MYO5C: variants seen among roughly 807,000 people sequenced by gnomAD.
MYO5C encodes unconventional myosin-Vc.
In MYO5C, 194 loss-of-function variants were observed where a neutral mutation model predicts 235.7. The observed-to-expected ratio is 0.82, with a 90% CI of 0.73 to 0.93. The LOEUF is 0.93. Among genes scored for constraint, MYO5C ranks in the 40% least tolerant of loss-of-function variants. MYO5C has a pLI of 0.00. For synonymous variants in MYO5C, 707 were observed against 754.8 expected (o/e 0.94, Z 1.04); for missense variants, 2,038 against 2,127.2 (o/e 0.96, Z 0.82).
chr15:52,279,468 T>C, intron 3 of MYO5C, 41 bp downstream of exon 3: 1 of 1,587,998 alleles, frequency 6.3e-7, no homozygotes, highest in Non-Finnish European at 8.6e-7. Context: ...CAAGCTTACA[T>C]TCCAGTGCCA....
At chr15:52,246,812 ACCC>A in intron 16 of MYO5C, 102 bp downstream of exon 16, 1 of 862,238 alleles carries the variant, frequency 1.2e-6, no homozygotes, top group Non-Finnish European at 1.8e-6. Flanking sequence ...TTAAAAAAAA[ACCC>A]AGAAACAGGG....
At chr15:52,257,677 A>G (rs2036612441) in intron 10 of MYO5C, among the ~76,000 whole-genome samples, 1 of 152,042 alleles carries the variant, frequency 6.6e-6, no homozygotes, top group Admixed American at 6.6e-5. Flanking sequence ...GGCTCCTGTG[A>G]CTCCACTGTC....
At chr15:52,209,132 A>C (rs1396305209) in intron 35 of MYO5C, among the ~76,000 whole-genome samples, 1 of 152,040 alleles carries the variant, frequency 6.6e-6, no homozygotes, top group African/African-American at 2.4e-5. Flanking sequence ...TGTTGGGGAG[A>C]AGGCCTCCAC....
chr15:52,213,185 T>A lies in MYO5C; in HGVS notation c.4141+3A>T. The A allele has an allele frequency of 1.2e-6, 2 of 1,612,390 alleles. No individual in the cohort carries two copies. Among genetic ancestry groups the A allele is most frequent in the Non-Finnish European group, 1.7e-6 (2 of 1,178,408 alleles). Reference sequence around the variant, plus strand: ...AAAAATCCAGAGTTCCAGGTTTCACTACCAAGAATGAGGTTCTGAATGAGC... The same window carrying A: ...AAAAATCCAGAGTTCCAGGTTTCACAACCAAGAATGAGGTTCTGAATGAGC... On this transcript the variant is annotated splice_donor_region_variant and intron_variant, in intron 34 of 40. Transcript: ENST00000261839.
chr15:52,219,949 C>A (rs1418427214), intron 30 of MYO5C, 127 bp from the exon 31 acceptor site: 2 of 649,908 alleles, frequency 3.1e-6, no homozygotes, highest in South Asian at 3.7e-5. Flanking sequence ...GCTTCTCTGG[C>A]CCATATTGGA....
At chr15:52,278,154 A>G (rs887841844) in intron 4 of MYO5C, 2 of 350,230 alleles carry the variant, frequency 5.7e-6, no homozygotes, top group African/African-American at 4.3e-5. Context: ...TGGTGTTTCT[A>G]TTCTCCATAC....
intron 10 of MYO5C, among the ~76,000 whole-genome samples, chr15:52,257,212 T>C (rs577209441): frequency 6.6e-6 from 1 of 152,338 alleles, no homozygotes; most frequent in East Asian, 1.9e-4. Context: ...AGCACAATTT[T>C]GCCTCCCTAA....
chr15:52,265,460 A>G (rs1566986361), intron 8 of MYO5C, among the ~76,000 whole-genome samples: 2 of 152,078 alleles, frequency 1.3e-5, no homozygotes, highest in Admixed American at 6.5e-5. Context: ...ATGGAAGCCA[A>G]TGACCCCTCA....
At chr15:52,223,274 T>C (rs1266047353) in intron 29 of MYO5C, among the ~76,000 whole-genome samples, 1 of 152,034 alleles carries the variant, frequency 6.6e-6, no homozygotes, top group African/African-American at 2.4e-5. Context: ...TTGATTTAAA[T>C]ATACAGGCTT....
rs1452735474 is a variant in MYO5C, at chr15:52,295,651, G to A, written c.-15C>T. 17 of 1,455,330 alleles carry A rather than the reference G, an allele frequency of 1.2e-5. No individual in the cohort carries two copies. In the South Asian group the frequency reaches 1.7e-4, roughly 14 times the overall value. The allele number at this position is 1,455,330 out of a possible 1,614,324, so 90.2% of individuals were successfully genotyped here. A position where few individuals can be genotyped will look rare whatever the true frequency, so the allele number is the denominator to read the frequency against. ...GCCACCGCCATGGGCAGGAGGGGCC[G>A]GGGCCAGGCCGGGGCTGCCGAACGT... On this transcript the variant is annotated 5_prime_UTR_variant, in exon 1 of 41. Transcript: ENST00000261839.
intron 32 of MYO5C, among the ~76,000 whole-genome samples, chr15:52,217,371 TC>T (rs1204877599): frequency 6.6e-6 from 1 of 152,160 alleles, no homozygotes; most frequent in Non-Finnish European, 1.5e-5. Flanking sequence ...AACTCATAAA[TC>T]CGTCACAATG....
At chr15:52,247,645 C>T (rs1485058137) in intron 14 of MYO5C, 53 bp from the exon 15 acceptor site, 1 of 1,594,134 alleles carries the variant, frequency 6.3e-7, no homozygotes, top group African/African-American at 1.3e-5. Flanking sequence ...CCACAGTACT[C>T]ACTCATACAA....
intron 1 of MYO5C, among the ~76,000 whole-genome samples, chr15:52,285,484 C>T (rs1328402908): frequency 3.3e-5 from 5 of 151,332 alleles, no homozygotes; most frequent in African/African-American, 1.2e-4. Flanking sequence ...CCCTCCTCTC[C>T]CTCCTCTCCG....
Position 52,224,997 on chromosome 15 carries a change from G to T in MYO5C, c.3366-16C>A, listed in dbSNP as rs2141291538. The T allele has an allele frequency of 1.2e-6, 2 of 1,613,668 alleles. No homozygotes were observed. Among genetic ancestry groups the T allele is most frequent in the South Asian group, 2.2e-5 (2 of 91,060 alleles). On this transcript the variant is annotated splice_polypyrimidine_tract_variant and intron_variant, in intron 27 of 40. Coordinates refer to ENST00000261839, the MANE Select transcript of MYO5C (RefSeq NM_018728.4). ...CACAGAGAGCCTGCAAAATAAGGAA[G>T]ATAAGAAAATCTATCATCTCTGTCA...
chr15:52,196,334 C>A lies in MYO5C; in HGVS notation c.4970G>T (p.Arg1657Leu), dbSNP rs746607674. The A allele has an allele frequency of 6.2e-7, 1 of 1,612,524 alleles. No homozygotes were observed. Among genetic ancestry groups the A allele is most frequent in the Non-Finnish European group, 8.5e-7 (1 of 1,179,544 alleles). ...CTGCACAGCAGACAGTGAGGTGCAG[C>A]GTTCGTAGATCTCCTTGGCATCACT... ...TDSDAKEIYERCTSLSAVQII... is the reference protein window; with the variant it reads ...TDSDAKEIYELCTSLSAVQII... The change falls in exon 39 of 41, where the codon CGC (arginine) becomes CTC (leucine). Residue 1657 changes from arginine to leucine, a missense_variant. By Grantham distance (102) the Arg-to-Leu change is moderately radical. Coordinates refer to ENST00000261839, the MANE Select transcript of MYO5C (RefSeq NM_018728.4).
At chr15:52,261,383 G>T (rs1596205092) in intron 9 of MYO5C, among the ~76,000 whole-genome samples, 1 of 152,226 alleles carries the variant, frequency 6.6e-6, no homozygotes, top group South Asian at 2.1e-4. Flanking sequence ...TGCGTCCCAC[G>T]CTGATTTTTC....
intron 22 of MYO5C, among the ~76,000 whole-genome samples, 171 bp from the exon 23 acceptor site, chr15:52,235,934 C>T (rs1424563592): frequency 6.6e-6 from 1 of 152,192 alleles, no homozygotes; most frequent in Non-Finnish European, 1.5e-5. Context: ...CCATTTGTTT[C>T]ACATGCAAGA....
At position 52,275,671 on chromosome 15, in the gene MYO5C, C is replaced by G. The variant is rs763055459; in HGVS notation, c.497G>C (p.Gly166Ala). The change falls in exon 5 of 41, where the codon GGA becomes GCA. Residue 166 changes from glycine (G) to alanine (A), a missense_variant. Coordinates refer to ENST00000261839, the MANE Select transcript of MYO5C (RefSeq NM_018728.4). ...SIIVSGESGA[G>A]KTVSARYAMR... ...GGCATAGCGAGCCGACACTGTCTTT[C>G]CAGCACCTGACTCCCCACTTACAAT... The G allele has an allele frequency of 1.2e-6, 2 of 1,614,046 alleles. No homozygotes were observed. The highest frequency in any genetic ancestry group is 1.3e-5 in the African/African-American group (1 of 74,908).
chr15:52,231,313 G>T (rs541435028), intron 24 of MYO5C, among the ~76,000 whole-genome samples: 7 of 152,224 alleles, frequency 4.6e-5, no homozygotes, highest in Admixed American at 3.3e-4. Context: ...CACGGGCCTA[G>T]AGAGGGTGAA....
Sources: gnomAD v4.1 joint callset for allele counts (sites outside exome capture counted in the v4.1 genomes callset) on GRCh38, gnomAD v4.1.1 for gene constraint, MANE v1.5 for transcripts, NCBI Gene and HGNC (gene_info 2026-07-23, HGNC 2026-07-21) for gene names.